ASTN2: variants seen among roughly 807,000 people sequenced by gnomAD.
The protein encoded by ASTN2 is astrotactin-2.
Under a neutral mutation model 139.8 loss-of-function variants are expected in ASTN2, and 54 were observed. That is an observed-to-expected ratio of 0.39 (90% CI 0.31 to 0.48). The LOEUF is 0.48. Ranked by LOEUF, ASTN2 falls within the 20% of genes least tolerant of loss-of-function variation. The probability of loss-of-function intolerance (pLI) is 0.95; values close to 1 mark genes in which losing one functional copy is unlikely to be tolerated. For synonymous variants in ASTN2, 756 were observed against 719.5 expected (o/e 1.05, Z -0.81); for missense variants, 1,565 against 1,725.1 (o/e 0.91, Z 1.64).
At chr9:117,161,387 GT>G (rs969279343) in intron 3 of ASTN2, among the ~76,000 whole-genome samples, 2 of 151,628 alleles carry the variant, frequency 1.3e-5, no homozygotes, top group Non-Finnish European at 2.9e-5. Context: ...AAGAAAAGGC[GT>G]TTTTTTTCTT....
At chr9:116,655,884 T>G (rs1858182668) in intron 16 of ASTN2, among the ~76,000 whole-genome samples, 1 of 151,860 alleles carries the variant, frequency 6.6e-6, no homozygotes, top group South Asian at 2.1e-4. Context: ...TTGTTGTTGT[T>G]GTTGTTGTTG....
chr9:116,478,595 A>C (rs7043251), intron 20 of ASTN2, among the ~76,000 whole-genome samples: 5,339 of 152,140 alleles, frequency 0.035, 311 homozygotes, highest in African/African-American at 0.12. Context: ...GAAAGCAGAA[A>C]TATCTGACCT....
intron 11 of ASTN2, among the ~76,000 whole-genome samples, chr9:116,833,666 C>T (rs1245141596): frequency 6.6e-6 from 1 of 151,546 alleles, no homozygotes; most frequent in East Asian, 1.9e-4. Flanking sequence ...TCCCTTGAGA[C>T]TTCTTCTTTG....
chr9:117,050,659 G>A (rs1347881016), intron 5 of ASTN2, among the ~76,000 whole-genome samples: 2 of 152,068 alleles, frequency 1.3e-5, no homozygotes, highest in East Asian at 3.9e-4. Flanking sequence ...GAGACCTATT[G>A]ATACTCAAAG....
intron 20 of ASTN2, among the ~76,000 whole-genome samples, chr9:116,477,417 AGT>A (rs1418253780): frequency 1.3e-5 from 2 of 151,994 alleles, no homozygotes; most frequent in Admixed American, 1.3e-4. Context: ...AGCCAAGGGA[AGT>A]TCACATTCCA....
chr9:117,400,938 A>T (rs1440285965), intron 1 of ASTN2, among the ~76,000 whole-genome samples: 1 of 152,128 alleles, frequency 6.6e-6, no homozygotes, highest in African/African-American at 2.4e-5. Context: ...TAACCACATG[A>T]CTTGCTTCGA....
intron 17 of ASTN2, among the ~76,000 whole-genome samples, chr9:116,623,700 C>T (rs1051506374): frequency 3.9e-5 from 6 of 152,176 alleles, no homozygotes; most frequent in Non-Finnish European, 8.8e-5. Flanking sequence ...TCTATCCCTC[C>T]GTTAAGTGCT....
At chr9:117,172,536 C>T (rs911085761) in intron 3 of ASTN2, among the ~76,000 whole-genome samples, 2 of 152,054 alleles carry the variant, frequency 1.3e-5, no homozygotes, top group African/African-American at 4.8e-5. Context: ...CATGCATCAC[C>T]TCATACATTC....
intron 2 of ASTN2, among the ~76,000 whole-genome samples, chr9:117,270,243 T>C (rs529951722): frequency 6.6e-6 from 1 of 152,328 alleles, no homozygotes; most frequent in East Asian, 1.9e-4. Flanking sequence ...GTACAACACA[T>C]AATAGTTTGC....
intron 11 of ASTN2, among the ~76,000 whole-genome samples, chr9:116,832,089 TA>T (rs1464813640): frequency 1.3e-5 from 2 of 152,036 alleles, no homozygotes; most frequent in Non-Finnish European, 2.9e-5. Context: ...AATATTTCAT[TA>T]TTTTTCAGAA....
chr9:116,644,382 A>G (rs803929), intron 17 of ASTN2, among the ~76,000 whole-genome samples: 80,107 of 152,012 alleles, frequency 0.53, 22,222 homozygotes, highest in East Asian at 0.86. Flanking sequence ...GGCTGGAAAG[A>G]ACCATTCAGA....
intron 13 of ASTN2, among the ~76,000 whole-genome samples, chr9:116,793,518 A>G (rs146540054): frequency 6.6e-6 from 1 of 152,308 alleles, no homozygotes; most frequent in Non-Finnish European, 1.5e-5. Flanking sequence ...AAGGTGCAGA[A>G]CAGTATGGCT....
chr9:116,931,969 A>G (rs1391646888), intron 10 of ASTN2, among the ~76,000 whole-genome samples: 1 of 152,158 alleles, frequency 6.6e-6, no homozygotes, highest in African/African-American at 2.4e-5. Flanking sequence ...GAGCTTGGAT[A>G]GTTGCAGGGT....
chr9:117,146,257 G>A (rs1304030058), intron 3 of ASTN2, among the ~76,000 whole-genome samples: 2 of 152,090 alleles, frequency 1.3e-5, no homozygotes, highest in African/African-American at 2.4e-5. Context: ...CTCACCCATC[G>A]CCTGGATGAA....
At chr9:117,095,970 G>T in intron 5 of ASTN2, 74 bp downstream of exon 5, 3 of 1,415,278 alleles carry the variant, frequency 2.1e-6, no homozygotes, top group Non-Finnish European at 2.0e-6. Context: ...GGATTTGCTA[G>T]TGAACACAAA....
At chr9:116,603,711 A>C (rs1313001742) in intron 19 of ASTN2, among the ~76,000 whole-genome samples, 1 of 152,226 alleles carries the variant, frequency 6.6e-6, no homozygotes, top group Non-Finnish European at 1.5e-5. Flanking sequence ...CTCTGGATGA[A>C]AGGTAGGTAC....
At chr9:117,062,054 A>T (rs1357371529) in intron 5 of ASTN2, among the ~76,000 whole-genome samples, 1 of 152,158 alleles carries the variant, frequency 6.6e-6, no homozygotes, top group African/African-American at 2.4e-5. Flanking sequence ...CTGGGATCTC[A>T]CGCAAGGTTT....
At chr9:116,598,955 G>A (rs1340114170) in intron 19 of ASTN2, among the ~76,000 whole-genome samples, 5 of 152,188 alleles carry the variant, frequency 3.3e-5, no homozygotes, top group Non-Finnish European at 5.9e-5. Context: ...AAATAATGGC[G>A]AATGGCAGGG....
intron 13 of ASTN2, among the ~76,000 whole-genome samples, chr9:116,765,352 A>G (rs1829781259): frequency 6.6e-6 from 1 of 152,122 alleles, no homozygotes; most frequent in Non-Finnish European, 1.5e-5. Flanking sequence ...CCCCACAGCA[A>G]TACCATCTAC....
Sources: allele counts gnomAD v4.1 joint callset (sites outside exome capture counted in the v4.1 genomes callset), GRCh38; gene constraint gnomAD v4.1.1; transcripts MANE v1.5; gene names NCBI Gene and HGNC (gene_info 2026-07-23, HGNC 2026-07-21).